NTM: variants seen among roughly 807,000 people sequenced by gnomAD.
NTM encodes neurotrimin.
A neutral mutation model predicts 42.1 loss-of-function variants in NTM; 13 were observed. That is an observed-to-expected ratio of 0.31 (90% CI 0.20 to 0.49). The LOEUF (loss-of-function observed/expected upper bound fraction) is 0.49. NTM is among the 20% of genes least tolerant of loss of function. The pLI is 0.99. For synonymous variants in NTM, 187 were observed against 179.2 expected, an observed-to-expected ratio of 1.04 and a Z score of -0.35; for missense variants, 373 against 452.8, an observed-to-expected ratio of 0.82 and a Z score of 1.60.
chr11:132,039,415 A>ATTTT (rs71475786), intron 2 of NTM, among the ~76,000 whole-genome samples: 3 of 133,222 alleles, frequency 2.3e-5, no homozygotes, highest in African/African-American at 5.6e-5. Flanking sequence ...GCCCCTCATA[A>ATTTT]TTTTTTTTTT....
intron 1 of NTM, among the ~76,000 whole-genome samples, chr11:131,555,825 G>T (rs2055332444): frequency 6.6e-6 from 1 of 152,090 alleles, no homozygotes; most frequent in Non-Finnish European, 1.5e-5. Flanking sequence ...CTTCCCCAGG[G>T]CAGCTACTCC....
At chr11:131,428,066 G>A (rs11222611) in intron 1 of NTM, among the ~76,000 whole-genome samples, 3 of 152,074 alleles carry the variant, frequency 2.0e-5, no homozygotes, top group Non-Finnish European at 2.9e-5. Context: ...CCCTGGGATC[G>A]AGGTTCATGT....
chr11:131,863,546 A>G (rs1303547786), intron 1 of NTM, among the ~76,000 whole-genome samples: 1 of 152,196 alleles, frequency 6.6e-6, no homozygotes, highest in African/African-American at 2.4e-5. Context: ...AACTGCAGAA[A>G]TATAGTCGAA....
intron 1 of NTM, among the ~76,000 whole-genome samples, chr11:131,412,886 G>C (rs1250154639): frequency 6.6e-6 from 1 of 152,080 alleles, no homozygotes; most frequent in Non-Finnish European, 1.5e-5. Context: ...TCGTTTAAGT[G>C]GAGAAACCTA....
intron 1 of NTM, among the ~76,000 whole-genome samples, chr11:131,774,413 T>G (rs1453159914): frequency 6.6e-6 from 1 of 152,238 alleles, no homozygotes; most frequent in Non-Finnish European, 1.5e-5. Context: ...GAAAAATCAC[T>G]GTCAAAAGTC....
At chr11:132,023,760 T>G (rs942441312) in intron 2 of NTM, among the ~76,000 whole-genome samples, 5 of 151,330 alleles carry the variant, frequency 3.3e-5, no homozygotes, top group East Asian at 1.9e-4. Context: ...GGTTTTGTTG[T>G]TGGTGGTGGT....
intron 1 of NTM, among the ~76,000 whole-genome samples, chr11:131,872,330 G>T (rs2047871248): frequency 6.6e-6 from 1 of 152,192 alleles, no homozygotes; most frequent in African/African-American, 2.4e-5. Flanking sequence ...TGCACAAGGA[G>T]AAATAGATAT....
intron 1 of NTM, among the ~76,000 whole-genome samples, chr11:131,865,970 T>C (rs28414792): frequency 0.18 from 5,093 of 29,012 alleles, 1,210 homozygotes; most frequent in Middle Eastern, 0.31. Flanking sequence ...ATGCTACACA[T>C]ACACCTCCCA....
At chr11:131,389,663 T>C in intron 1 of NTM, among the ~76,000 whole-genome samples, 1 of 152,232 alleles carries the variant, frequency 6.6e-6, no homozygotes. Flanking sequence ...GTGAGAAGCT[T>C]ATTATTGAAA....
chr11:131,780,166 T>A (rs1319718709), intron 1 of NTM, among the ~76,000 whole-genome samples: 1 of 151,962 alleles, frequency 6.6e-6, no homozygotes, highest in Non-Finnish European at 1.5e-5. Flanking sequence ...ATAGCAGGAA[T>A]AAGGAGGGGA....
chr11:132,095,952 T>C (rs954646840), intron 2 of NTM, among the ~76,000 whole-genome samples: 1 of 152,222 alleles, frequency 6.6e-6, no homozygotes, highest in African/African-American at 2.4e-5. Flanking sequence ...GTTCCAGTAC[T>C]GACTACTGCC....
intron 1 of NTM, among the ~76,000 whole-genome samples, chr11:131,417,356 G>A (rs1947060152): frequency 6.6e-6 from 1 of 152,216 alleles, no homozygotes; most frequent in Non-Finnish European, 1.5e-5. Flanking sequence ...TGTATTTGAT[G>A]TGGAATGCTT....
intron 1 of NTM, among the ~76,000 whole-genome samples, chr11:131,677,332 A>G (rs1221307882): frequency 6.6e-6 from 1 of 152,240 alleles, no homozygotes; most frequent in Non-Finnish European, 1.5e-5. Context: ...AGTGTTGGGA[A>G]TGACATGGCA....
At chr11:131,905,485 T>C (rs2053741352) in intron 1 of NTM, among the ~76,000 whole-genome samples, 1 of 152,126 alleles carries the variant, frequency 6.6e-6, no homozygotes, top group African/African-American at 2.4e-5. Context: ...GCGTCTGTGC[T>C]GTCTTCTGCC....
chr11:132,268,668 C>CTGTGTG (rs779978929), intron 4 of NTM, among the ~76,000 whole-genome samples: 2,881 of 138,634 alleles, frequency 0.021, 44 homozygotes, highest in South Asian at 0.034. Flanking sequence ...CTCTCTCTCT[C>CTGTGTG]TCTGTGTGTG....
intron 1 of NTM, among the ~76,000 whole-genome samples, chr11:131,569,688 C>T (rs1485729975): frequency 6.6e-6 from 1 of 151,026 alleles, no homozygotes; most frequent in African/African-American, 2.4e-5. Flanking sequence ...AGCAATCTTC[C>T]CTCCTCAGCC....
Position 131,918,361 on chromosome 11 carries a change from C to G in NTM, c.167+6713C>G, listed in dbSNP as rs149652381. Among the ~76,000 whole-genome samples, 210 of 152,316 alleles carry G rather than the reference C, an allele frequency of 1.4e-3. 1 individual carries two copies. The highest frequency in any genetic ancestry group is 9.0e-4 in the Non-Finnish European group (61 of 68,028). On this transcript the variant is annotated intron_variant, in intron 2 of 8. Coordinates refer to ENST00000683400, the MANE Select transcript of NTM (RefSeq NM_001352005.2). ...GACTGCTGGTTTAGTCCGTACCACA[C>G]CTTGCGTTCTTATGCTTTGACTCTC...
chr11:131,916,319 C>G (rs2056352691), intron 2 of NTM, among the ~76,000 whole-genome samples: 1 of 152,196 alleles, frequency 6.6e-6, no homozygotes, highest in Admixed American at 6.5e-5. Context: ...TGAATGCTTT[C>G]CACATTTCAG....
At chr11:131,631,991 C>T (rs1251292207) in intron 1 of NTM, among the ~76,000 whole-genome samples, 1 of 152,176 alleles carries the variant, frequency 6.6e-6, no homozygotes, top group Admixed American at 6.5e-5. Flanking sequence ...ACTTTATCCT[C>T]AATGCTAGAT....
Sources: allele counts gnomAD v4.1 joint callset (sites outside exome capture counted in the v4.1 genomes callset), GRCh38; gene constraint gnomAD v4.1.1; transcripts MANE v1.5; gene names NCBI Gene and HGNC (gene_info 2026-07-23, HGNC 2026-07-21).